SCGN: variants seen among roughly 807,000 people sequenced by gnomAD.
SCGN encodes the protein secretagogin.
A neutral mutation model predicts 39.7 loss-of-function variants in SCGN; 30 were observed. The ratio of observed to expected loss-of-function variants is 0.76; its 90% CI spans 0.57 to 1.03. The LOEUF (loss-of-function observed/expected upper bound fraction) is 1.03, where lower values mean the gene tolerates loss of function less well. Ranked by LOEUF, SCGN falls within the 50% of genes least tolerant of loss-of-function variation. The pLI is 0.00. For missense variants in SCGN, 353 were observed against 349.4 expected (o/e 1.01, Z -0.08); for synonymous variants, 106 against 114.1 (o/e 0.93, Z 0.45).
chr6:25,656,664 A>T (rs1468258898), intron 2 of SCGN, among the ~76,000 whole-genome samples: 1 of 152,300 alleles, frequency 6.6e-6, no homozygotes, highest in South Asian at 2.1e-4. Context: ...CTAGCGTCTC[A>T]GATAAGGACT....
chr6:25,657,030 C>G (rs892967421), intron 2 of SCGN, among the ~76,000 whole-genome samples: 4 of 151,994 alleles, frequency 2.6e-5, no homozygotes, highest in African/African-American at 9.7e-5. Context: ...GAAGTTCGAC[C>G]CTGTTGAGTG....
At chr6:25,693,295 CA>C (rs1195470648) in intron 10 of SCGN, among the ~76,000 whole-genome samples, 13 of 151,246 alleles carry the variant, frequency 8.6e-5, no homozygotes, top group Non-Finnish European at 1.5e-4. Context: ...ACTAAAAATA[CA>C]AAAAAATTAG....
At chr6:25,689,245 T>G in intron 8 of SCGN, 28 bp downstream of exon 8, 1 of 1,499,874 alleles carries the variant, frequency 6.7e-7, no homozygotes, top group Non-Finnish European at 9.2e-7. Flanking sequence ...TCTAGATGGG[T>G]TTATGTCATT....
intron 2 of SCGN, among the ~76,000 whole-genome samples, chr6:25,659,544 AT>A (rs201604445): frequency 0.023 from 3,525 of 152,104 alleles, 39 homozygotes; most frequent in Middle Eastern, 0.041. Context: ...ACATCCTCTG[AT>A]TTTTTTTCTT....
chr6:25,680,065 A>G (rs1361396099), intron 6 of SCGN, among the ~76,000 whole-genome samples: 1 of 152,126 alleles, frequency 6.6e-6, no homozygotes, highest in African/African-American at 2.4e-5. Flanking sequence ...TTTTTTTTAC[A>G]TTATAAGGAT....
chr6:25,694,025 T>C (rs762801484), intron 10 of SCGN, among the ~76,000 whole-genome samples: 15 of 152,242 alleles, frequency 9.9e-5, no homozygotes, highest in Non-Finnish European at 1.8e-4. Flanking sequence ...ACTTCACTAA[T>C]TAATACCATG....
chr6:25,664,004 C>T (rs1167119359), intron 3 of SCGN, among the ~76,000 whole-genome samples: 2 of 152,116 alleles, frequency 1.3e-5, no homozygotes, highest in African/African-American at 4.8e-5. Context: ...TTTATGGGAA[C>T]AGCTCAGAAA....
intron 2 of SCGN, among the ~76,000 whole-genome samples, chr6:25,661,240 A>G (rs531225152): frequency 6.6e-6 from 1 of 152,304 alleles, no homozygotes; most frequent in East Asian, 1.9e-4. Flanking sequence ...TTTTGTCACA[A>G]CCAAATACAA....
chr6:25,658,822 G>T (rs531896364), intron 2 of SCGN, among the ~76,000 whole-genome samples: 1 of 152,228 alleles, frequency 6.6e-6, no homozygotes, highest in South Asian at 2.1e-4. Context: ...AAAAAAGGAA[G>T]TACAATTCTA....
intron 1 of SCGN, among the ~76,000 whole-genome samples, chr6:25,653,024 A>T (rs1381882733): frequency 1.3e-5 from 2 of 152,228 alleles, no homozygotes; most frequent in African/African-American, 4.8e-5. Context: ...GTGTGTTTTA[A>T]CTCTGCAAAC....
chr6:25,691,674 T>C (rs1759775292), intron 10 of SCGN, among the ~76,000 whole-genome samples: 1 of 152,198 alleles, frequency 6.6e-6, no homozygotes, highest in South Asian at 2.1e-4. Flanking sequence ...TTCTTCGAGG[T>C]CCTGTTGAAC....
intron 6 of SCGN, among the ~76,000 whole-genome samples, chr6:25,677,359 C>A (rs374159073): frequency 3.3e-5 from 5 of 152,090 alleles, no homozygotes; most frequent in Admixed American, 3.3e-4. Flanking sequence ...AAATCATGTA[C>A]CACCTTAATA....
intron 3 of SCGN, 116 bp downstream of exon 3, chr6:25,661,760 C>G (rs1561761083): frequency 2.9e-6 from 2 of 687,486 alleles, no homozygotes; most frequent in Admixed American, 3.0e-5. Flanking sequence ...TACATTTGAT[C>G]AGGAAATTAG....
At chr6:25,657,104 T>A (rs868744375) in intron 2 of SCGN, among the ~76,000 whole-genome samples, 1 of 152,202 alleles carries the variant, frequency 6.6e-6, no homozygotes, top group African/African-American at 2.4e-5. Flanking sequence ...ACAAAATCTT[T>A]AGTGCTGAAA....
intron 10 of SCGN, among the ~76,000 whole-genome samples, chr6:25,700,324 T>C (rs917161900): frequency 6.6e-5 from 10 of 152,084 alleles, no homozygotes; most frequent in Non-Finnish European, 8.8e-5. Context: ...TTTTGACGTT[T>C]ATTCACAGAT....
chr6:25,689,625 C>T, intron 9 of SCGN, 93 bp downstream of exon 9: 3 of 1,000,416 alleles, frequency 3.0e-6, no homozygotes, highest in South Asian at 1.4e-5. Context: ...AGACCCTAAA[C>T]TTACATGATG....
intron 9 of SCGN, among the ~76,000 whole-genome samples, chr6:25,690,130 A>C (rs960096082): frequency 6.6e-6 from 1 of 152,230 alleles, no homozygotes; most frequent in African/African-American, 2.4e-5. Flanking sequence ...AGCAGAAAAC[A>C]GTATCACCTG....
intron 2 of SCGN, among the ~76,000 whole-genome samples, chr6:25,658,404 G>A (rs984007949): frequency 1.3e-5 from 2 of 151,786 alleles, no homozygotes; most frequent in African/African-American, 4.8e-5. Context: ...ATATGAGTAT[G>A]TTTGGTTGAT....
At chr6:25,697,819 A>G (rs917932807) in intron 10 of SCGN, among the ~76,000 whole-genome samples, 1 of 152,224 alleles carries the variant, frequency 6.6e-6, no homozygotes, top group Non-Finnish European at 1.5e-5. Flanking sequence ...TTTTTACATG[A>G]AAGATTATGA....
Sources: allele counts gnomAD v4.1 joint callset (sites outside exome capture counted in the v4.1 genomes callset), GRCh38; gene constraint gnomAD v4.1.1; transcripts MANE v1.5; gene names NCBI Gene and HGNC (gene_info 2026-07-23, HGNC 2026-07-21).